OPCML: variants seen among roughly 807,000 people sequenced by gnomAD.
The protein encoded by OPCML is opioid binding protein/cell adhesion molecule like, also known as opioid-binding protein/cell adhesion molecule.
OPCML carries 13 observed loss-of-function variants against 37.8 expected under a neutral mutation model. That is an observed-to-expected ratio of 0.34 (90% confidence interval 0.22 to 0.55). OPCML has a LOEUF of 0.55. Among genes scored for constraint, OPCML ranks in the 20% least tolerant of loss-of-function variants. OPCML has a pLI of 0.91. For synonymous variants in OPCML, 176 were observed against 168.8 expected, an observed-to-expected ratio of 1.04 and a Z score of -0.33; for missense variants, 341 against 435.6, an observed-to-expected ratio of 0.78 and a Z score of 1.93.
intron 4 of OPCML, among the ~76,000 whole-genome samples, chr11:132,499,238 G>A (rs767597374): frequency 6.6e-6 from 1 of 152,184 alleles, no homozygotes; most frequent in African/African-American, 2.4e-5. Context: ...GAATAGGAAC[G>A]GCACCATGCA....
chr11:132,995,800 T>G (rs922841149), intron 1 of OPCML, among the ~76,000 whole-genome samples: 9 of 152,118 alleles, frequency 5.9e-5, no homozygotes, highest in South Asian at 2.1e-4. Context: ...GTGTCCAGGA[T>G]AACCCCAGAG....
At chr11:133,044,691 C>A (rs756293193) in intron 1 of OPCML, among the ~76,000 whole-genome samples, 1 of 152,260 alleles carries the variant, frequency 6.6e-6, no homozygotes, top group South Asian at 2.1e-4. Flanking sequence ...AGGCACAGAG[C>A]GGTGAAGTAG....
chr11:132,977,542 C>T (rs993984606), intron 1 of OPCML, among the ~76,000 whole-genome samples: 2 of 152,194 alleles, frequency 1.3e-5, no homozygotes, highest in South Asian at 2.1e-4. Context: ...TCATGTGGCT[C>T]ATGTGGCCAT....
intron 4 of OPCML, among the ~76,000 whole-genome samples, chr11:132,477,685 T>C (rs1427846126): frequency 6.6e-6 from 1 of 152,218 alleles, no homozygotes; most frequent in Non-Finnish European, 1.5e-5. Context: ...GGAATGAACA[T>C]ATGTTTTTCT....
At chr11:133,035,013 G>A (rs60952582) in intron 1 of OPCML, among the ~76,000 whole-genome samples, 15,777 of 152,172 alleles carry the variant, frequency 0.1, 1,296 homozygotes, top group East Asian at 0.3. Context: ...CCCCAGTCAG[G>A]TTGATATGAC....
rs559632854 is a variant in OPCML at position 133,135,304 on chromosome 11, T to G, written c.62-192294A>C. ...ACTAGCCTTATGATTAGCATGTGATTGGCTAGTTAACTGTTGAGGTTCTAC... is the reference window on the plus strand; with the variant it reads ...ACTAGCCTTATGATTAGCATGTGATGGGCTAGTTAACTGTTGAGGTTCTAC... On this transcript the variant is annotated intron_variant, in intron 1 of 7. Coordinates refer to ENST00000524381, the MANE Select transcript of OPCML (RefSeq NM_001012393.5). Among the ~76,000 whole-genome samples, 9 of 152,296 alleles carry G rather than the reference T, an allele frequency of 5.9e-5. 1 individual carries two copies. Among genetic ancestry groups the G allele is most frequent in the Admixed American group, 5.9e-4 (9 of 15,298 alleles).
At chr11:132,650,301 G>A (rs769016436) in intron 3 of OPCML, among the ~76,000 whole-genome samples, 11 of 152,330 alleles carry the variant, frequency 7.2e-5, no homozygotes, top group Middle Eastern at 3.4e-3. Flanking sequence ...CACCAACCTA[G>A]TAATTGTGCC....
chr11:132,558,668 G>C lies in OPCML; in HGVS notation c.380-29482C>G, dbSNP rs369042708. 2.1e-4 allele frequency among the ~76,000 whole-genome samples: 31 copies of C among 151,180 alleles called. No homozygotes were observed. The East Asian group carries it at 2.6e-3, about 12-fold the overall frequency. ...TTCTCATAATACCTCTTTTATGATT[G>C]TATCCTCCTCATTTAACAGACTAAA... On this transcript the variant is annotated intron_variant, in intron 3 of 7. Coordinates refer to ENST00000524381, the MANE Select transcript of OPCML (RefSeq NM_001012393.5).
At chr11:133,102,147 T>G (rs555467651) in intron 1 of OPCML, among the ~76,000 whole-genome samples, 1 of 152,312 alleles carries the variant, frequency 6.6e-6, no homozygotes, top group South Asian at 2.1e-4. Context: ...TATACATTTG[T>G]CAAAACCCAT....
intron 2 of OPCML, among the ~76,000 whole-genome samples, chr11:132,786,302 AATTAGCC>A (rs1168906738): frequency 6.6e-6 from 1 of 152,226 alleles, no homozygotes; most frequent in Non-Finnish European, 1.5e-5. Context: ...TGCTAACCAA[AATTAGCC>A]ATTAGAGTAG....
chr11:133,358,016 C>G (rs1944329955), intron 1 of OPCML, among the ~76,000 whole-genome samples: 1 of 152,174 alleles, frequency 6.6e-6, no homozygotes, highest in Non-Finnish European at 1.5e-5. Flanking sequence ...GTGCGAGGGC[C>G]CCTCCAGTCT....
chr11:132,700,540 C>T (rs1451647319), intron 2 of OPCML, among the ~76,000 whole-genome samples: 2 of 151,886 alleles, frequency 1.3e-5, no homozygotes, highest in African/African-American at 4.8e-5. Flanking sequence ...CTTCTTTGAC[C>T]CCTCGTGGTT....
intron 3 of OPCML, among the ~76,000 whole-genome samples, chr11:132,600,020 G>A (rs764508274): frequency 4.6e-5 from 7 of 152,092 alleles, no homozygotes; most frequent in African/African-American, 1.2e-4. Context: ...AAGAAGATTC[G>A]CTCTAGTCAA....
At chr11:133,046,275 T>G (rs1163193572) in intron 1 of OPCML, among the ~76,000 whole-genome samples, 2 of 152,226 alleles carry the variant, frequency 1.3e-5, no homozygotes, top group African/African-American at 4.8e-5. Context: ...GTTAAAGTTC[T>G]TTGGAAGGAG....
chr11:132,849,133 G>T (rs1347025429), intron 2 of OPCML, among the ~76,000 whole-genome samples: 1 of 152,150 alleles, frequency 6.6e-6, no homozygotes, highest in Non-Finnish European at 1.5e-5. Context: ...AGTTTACAAT[G>T]CTCATTTCCT....
At chr11:133,065,784 G>C (rs1948432245) in intron 1 of OPCML, 1 of 152,360 alleles carries the variant, frequency 6.6e-6, no homozygotes, top group Non-Finnish European at 1.5e-5. Flanking sequence ...ATTTTGGCCA[G>C]AGTGTGCACA....
intron 3 of OPCML, among the ~76,000 whole-genome samples, chr11:132,534,676 C>G (rs1430842539): frequency 6.6e-6 from 1 of 152,136 alleles, no homozygotes; most frequent in Non-Finnish European, 1.5e-5. Flanking sequence ...TCCAATAGAC[C>G]TGCTTGGCAT....
chr11:132,584,570 G>T (rs1233452263), intron 3 of OPCML, among the ~76,000 whole-genome samples: 1 of 152,068 alleles, frequency 6.6e-6, no homozygotes, highest in South Asian at 2.1e-4. Flanking sequence ...TAGTTAACTG[G>T]ATTCTGTTTA....
At chr11:132,473,668 A>T (rs577540156) in intron 4 of OPCML, among the ~76,000 whole-genome samples, 3 of 152,134 alleles carry the variant, frequency 2.0e-5, no homozygotes, top group Non-Finnish European at 4.4e-5. Context: ...TCTACAAAAA[A>T]TTTTTAAAAT....
Sources: allele counts gnomAD v4.1 joint callset (sites outside exome capture counted in the v4.1 genomes callset), GRCh38; gene constraint gnomAD v4.1.1; transcripts MANE v1.5; gene names NCBI Gene and HGNC (gene_info 2026-07-23, HGNC 2026-07-21).